PHACTR2: variants seen among roughly 807,000 people sequenced by gnomAD.
PHACTR2 encodes phosphatase and actin regulator 2.
Under a neutral mutation model 76.0 loss-of-function variants are expected in PHACTR2, and 30 were observed. That is an observed-to-expected ratio of 0.39 (90% CI 0.30 to 0.54). PHACTR2 has a LOEUF of 0.54. Among genes scored for constraint, PHACTR2 ranks in the 20% least tolerant of loss-of-function variants. The probability of loss-of-function intolerance (pLI) is 0.61; values close to 1 mark genes in which losing one functional copy is unlikely to be tolerated. For missense variants in PHACTR2, 696 were observed against 781.1 expected, an observed-to-expected ratio of 0.89 and a Z score of 1.30; for synonymous variants, 292 against 292.5, an observed-to-expected ratio of 1.00 and a Z score of 0.02.
rs1044765581 is a variant in PHACTR2, at chr6:143,611,009, G to T, written c.13+2687G>T. ...TACAAGCATCATCAGCATTCTGCCA[G>T]TGCCACTATCCTCCTTACCTCCATC... is the stretch of plus-strand genomic sequence containing the variant. On this transcript the variant is annotated intron_variant, in intron 1 of 11. Coordinates refer to the PHACTR2 transcript ENST00000305766. This position sits in a 1 kb window ranked among gnomAD's most constrained non-coding sequence, Gnocchi z 4.4. 6.6e-6 allele frequency among the ~76,000 whole-genome samples: 1 copy of T among 152,102 alleles called. No individual in the cohort carries two copies. The highest frequency in any genetic ancestry group is 6.5e-5 in the Admixed American group (1 of 15,270).
chr6:143,769,298 C>T (rs1775036871), intron 6 of PHACTR2, among the ~76,000 whole-genome samples: 1 of 152,086 alleles, frequency 6.6e-6, no homozygotes, highest in Non-Finnish European at 1.5e-5. Flanking sequence ...CTACTTTGTA[C>T]AGTTCATTTT....
At chr6:143,729,317 C>A (rs1407586896) in intron 2 of PHACTR2, among the ~76,000 whole-genome samples, 1 of 152,038 alleles carries the variant, frequency 6.6e-6, no homozygotes, top group African/African-American at 2.4e-5. Flanking sequence ...TATAACAGTA[C>A]CTTTTGCAGA....
At chr6:143,620,649 A>G (rs1324095076) in intron 1 of PHACTR2, among the ~76,000 whole-genome samples, 3 of 152,224 alleles carry the variant, frequency 2.0e-5, no homozygotes, top group Admixed American at 6.5e-5. Flanking sequence ...TTAACTGCAC[A>G]TAAAAAATGT....
In PHACTR2 at chr6:143,829,784, G is replaced by C. The variant is rs540266665; in HGVS notation, c.*6095G>C. 1.3e-5 allele frequency: 2 copies of C among 152,248 alleles called. No individual in the cohort carries two copies. Among genetic ancestry groups the C allele is most frequent in the East Asian group, 1.9e-4 (1 of 5,188 alleles). 9.4% of individuals were successfully genotyped at this position (152,248 alleles called of 1,614,324 possible). A position where few individuals can be genotyped will look rare whatever the true frequency, so the allele number is the denominator to read the frequency against. ...AAGTTTCTAAATTGTTTTTGGGGCC[G>C]AGTAACGCAGAGTCAATAAAGGTGG... On this transcript the variant is annotated 3_prime_UTR_variant, in exon 13 of 13. Transcript: ENST00000440869.
At chr6:143,677,010 A>G (rs1026312324), upstream of PHACTR2, among the ~76,000 whole-genome samples, 2 of 151,744 alleles carry the variant, frequency 1.3e-5, no homozygotes, top group Non-Finnish European at 2.9e-5. Flanking sequence ...TGTCTAGGAT[A>G]AATTAAAAAA....
At chr6:143,745,487 C>T (rs1464973302) in intron 2 of PHACTR2, among the ~76,000 whole-genome samples, 1 of 152,200 alleles carries the variant, frequency 6.6e-6, no homozygotes, top group African/African-American at 2.4e-5. Context: ...TCTGAGACAG[C>T]CCCTGCTTTG....
rs537264317 is a variant in PHACTR2, at chr6:143,570,052, A to G, written c.217+32845A>G. On this transcript the variant is annotated intron_variant, in intron 1 of 11. Coordinates refer to the PHACTR2 transcript ENST00000367584. The surrounding 1 kb of genome is among the most constrained non-coding windows in gnomAD (Gnocchi z 4.6). ...GTTTAAATCTAGGAACCTAAATAAT[A>G]AAAGTCCCAGTCCAATCCTTTGAGG... 1.8e-4 allele frequency among the ~76,000 whole-genome samples: 28 copies of G among 152,330 alleles called. No homozygotes were observed. In the South Asian group the frequency reaches 3.1e-3, roughly 17 times the overall value.
rs1317478913 is a variant in PHACTR2 at position 143,679,586 on chromosome 6, A to T, written c.46+1377A>T. On this transcript the variant is annotated intron_variant, in intron 1 of 12. Coordinates refer to ENST00000440869, the MANE Select transcript of PHACTR2 (RefSeq NM_001100164.2). This position sits in a 1 kb window ranked among gnomAD's most constrained non-coding sequence, Gnocchi z 4.6. ...CCGGCGAAGATAGAATTAAATCTGT[A>T]CTCCAATACAAGAGTATACAGAAAG... 6.6e-6 allele frequency among the ~76,000 whole-genome samples: 1 copy of T among 152,116 alleles called. No homozygotes were observed. The highest frequency in any genetic ancestry group is 1.5e-5 in the Non-Finnish European group (1 of 68,012).
chr6:143,544,268 G>A (rs7749475), intron 1 of PHACTR2, among the ~76,000 whole-genome samples: 13,610 of 131,184 alleles, frequency 0.1, 1,827 homozygotes, highest in African/African-American at 0.34. Flanking sequence ...GAAGGAAGGC[G>A]GGCAGGCTCC....
chr6:143,584,438 A>G (rs59682731), intron 1 of PHACTR2, among the ~76,000 whole-genome samples: 2,143 of 152,292 alleles, frequency 0.014, 64 homozygotes, highest in African/African-American at 0.048. Flanking sequence ...GAAAAAAGAT[A>G]AAGAGTGGAA....
intron 11 of PHACTR2, among the ~76,000 whole-genome samples, chr6:143,798,924 T>G (rs1156648505): frequency 6.6e-6 from 1 of 152,234 alleles, no homozygotes; most frequent in Non-Finnish European, 1.5e-5. Flanking sequence ...GAGGATTCCC[T>G]CTTTTTCTAT....
upstream of PHACTR2, among the ~76,000 whole-genome samples, chr6:143,606,262 A>AAC (rs1554214131): frequency 3.3e-5 from 5 of 151,752 alleles, no homozygotes; most frequent in Non-Finnish European, 7.4e-5. Context: ...AACTTACAAA[A>AAC]AACAATATTT....
In PHACTR2 at chr6:143,772,453, A is replaced by C. The variant is rs778948931; in HGVS notation, c.1428A>C (p.Gly476=). The change falls in exon 7 of 13, where the codon GGA becomes GGC. Residue 476 remains glycine (G), a synonymous_variant. Transcript: ENST00000440869. The surrounding 1 kb of genome is among the most constrained non-coding windows in gnomAD (Gnocchi z 5.4). ...EDEDEDEDGS[G]ESALASKIRR... is the part of the protein sequence containing the mutation. ...AAGACGAAGATGAGGATGGCAGTGG[A>C]GAAAGTAAGACTGTTTTCAAGAGGC... 3.1e-6 allele frequency: 5 copies of C among 1,612,584 alleles called. No homozygotes were observed. Among genetic ancestry groups the C allele is most frequent in the Admixed American group, 1.7e-5 (1 of 59,934 alleles).
chr6:143,829,257 T>C lies in PHACTR2; in HGVS notation c.*5568T>C, dbSNP rs943093238. 6.6e-6 allele frequency: 1 copy of C among 151,182 alleles called. No individual in the cohort carries two copies. 9.4% of individuals were successfully genotyped at this position (151,182 alleles called of 1,614,324 possible). On this transcript the variant is annotated 3_prime_UTR_variant, in exon 13 of 13. Coordinates refer to ENST00000440869, the MANE Select transcript of PHACTR2 (RefSeq NM_001100164.2). ...ACCACATTATTGGTCATAATCCTTGTTACTGTCATGAGGATTGTTGCATGG... is the reference window on the plus strand; with the variant it reads ...ACCACATTATTGGTCATAATCCTTGCTACTGTCATGAGGATTGTTGCATGG...
intron 2 of PHACTR2, among the ~76,000 whole-genome samples, chr6:143,732,332 G>A (rs986935097): frequency 2.1e-4 from 32 of 152,060 alleles, no homozygotes; most frequent in African/African-American, 7.2e-4. Context: ...CTATCTCTGC[G>A]GGTTTGCCTA....
chr6:143,808,788 C>G (rs1776116165), intron 12 of PHACTR2, among the ~76,000 whole-genome samples: 1 of 152,070 alleles, frequency 6.6e-6, no homozygotes. Context: ...GGATTTTTAT[C>G]TATTTGAGGG....
rs1048973116 is a variant in PHACTR2, at chr6:143,680,778, C to G, written c.46+2569C>G. Among the ~76,000 whole-genome samples the G allele has an allele frequency of 6.7e-6, 1 of 149,638 alleles. No individual in the cohort carries two copies. The highest frequency in any genetic ancestry group is 1.5e-5 in the Non-Finnish European group (1 of 67,470). On this transcript the variant is annotated intron_variant, in intron 1 of 12. Coordinates refer to ENST00000440869, the MANE Select transcript of PHACTR2 (RefSeq NM_001100164.2). This position sits in a 1 kb window ranked among gnomAD's most constrained non-coding sequence, Gnocchi z 4.5. ...TCCCACCCTATTCAACCAGTGGGCT[C>G]TACCTTAATGAAACACTAATCAACT...
intron 1 of PHACTR2, among the ~76,000 whole-genome samples, chr6:143,702,177 G>T (rs1164038411): frequency 1.6e-5 from 2 of 126,284 alleles, no homozygotes; most frequent in African/African-American, 6.0e-5. Context: ...GCATGATCTT[G>T]GCTCACTGCA....
Position 143,689,561 on chromosome 6 carries a change from A to G in PHACTR2, c.46+11352A>G, listed in dbSNP as rs1777593925. 1.3e-5 allele frequency among the ~76,000 whole-genome samples: 2 copies of G among 152,150 alleles called. No individual in the cohort carries two copies. Among genetic ancestry groups the G allele is most frequent in the Admixed American group, 1.3e-4 (2 of 15,280 alleles). On this transcript the variant is annotated intron_variant, in intron 1 of 12. Coordinates refer to ENST00000440869, the MANE Select transcript of PHACTR2 (RefSeq NM_001100164.2). The surrounding 1 kb of genome is among the most constrained non-coding windows in gnomAD (Gnocchi z 4.4). Reference sequence around the variant, plus strand: ...GATTGATTTTTCAGCATGACACATTATCTACTGAGCTCACAGTATGGAAAC... The same window carrying G: ...GATTGATTTTTCAGCATGACACATTGTCTACTGAGCTCACAGTATGGAAAC...
Sources: gnomAD v4.1 joint callset for allele counts (sites outside exome capture counted in the v4.1 genomes callset) on GRCh38, gnomAD v4.1.1 for gene constraint, Gnocchi (gnomAD v3.1) non-coding constraint, MANE v1.5 for transcripts, NCBI Gene and HGNC (gene_info 2026-07-23, HGNC 2026-07-21) for gene names.